NIM1K: variants seen among roughly 807,000 people sequenced by gnomAD.
NIM1K encodes the protein serine/threonine-protein kinase NIM1.
In NIM1K, 35 loss-of-function variants were observed where a neutral mutation model predicts 37.1. The ratio of observed to expected loss-of-function variants is 0.94; its 90% CI spans 0.72 to 1.25. NIM1K has a LOEUF of 1.25. NIM1K is among the 50% of genes most tolerant of loss of function. NIM1K has a pLI of 0.00. For missense variants in NIM1K, 564 were observed against 548.0 expected (o/e 1.03, Z -0.29); for synonymous variants, 234 against 206.6 (o/e 1.13, Z -1.14).
At chr5:43,215,954 T>G (rs1395798587) in intron 1 of NIM1K, among the ~76,000 whole-genome samples, 3 of 152,174 alleles carry the variant, frequency 2.0e-5, no homozygotes, top group African/African-American at 7.2e-5. Context: ...CTACATAATT[T>G]ATGGTTTTCC....
chr5:43,253,185 T>C (rs965761965), intron 2 of NIM1K, among the ~76,000 whole-genome samples: 1 of 139,778 alleles, frequency 7.2e-6, no homozygotes, highest in Non-Finnish European at 1.5e-5. Flanking sequence ...TATAATGTAA[T>C]ATATAATATA....
chr5:43,212,167 A>G (rs1752213264), intron 1 of NIM1K, among the ~76,000 whole-genome samples: 1 of 152,102 alleles, frequency 6.6e-6, no homozygotes, highest in Non-Finnish European at 1.5e-5. Context: ...ATGGAAATGT[A>G]AAAGGATTGG....
Position 43,277,252 on chromosome 5 carries a change from G to T in NIM1K, c.488G>T (p.Ser163Ile), listed in dbSNP as rs1238025717. 3 of 1,614,090 alleles carry T rather than the reference G, an allele frequency of 1.9e-6. No individual in the cohort carries two copies. Among genetic ancestry groups the T allele is most frequent in the Non-Finnish European group, 2.5e-6 (3 of 1,180,014 alleles). The change falls in exon 3 of 4, where the codon AGC becomes ATC. Residue 163 changes from serine to isoleucine, a missense_variant. By Grantham distance (142) the Ser-to-Ile change is moderately radical. Coordinates refer to ENST00000326035, the MANE Select transcript of NIM1K (RefSeq NM_153361.4). ...AGGGELFGKI[S>I]TEGKLSEPES... The stretch of plus-strand genomic sequence containing the variant: ...GGTGGGGAGCTCTTCGGAAAAATTA[G>T]CACTGAGGGGAAGCTCTCTGAACCA...
At chr5:43,210,171 G>A (rs980696108) in intron 1 of NIM1K, among the ~76,000 whole-genome samples, 1 of 151,848 alleles carries the variant, frequency 6.6e-6, no homozygotes, top group African/African-American at 2.4e-5. Context: ...GGGAGGGGAA[G>A]GGAGGAGAGA....
intron 1 of NIM1K, among the ~76,000 whole-genome samples, chr5:43,196,472 C>CAAA (rs35053237): frequency 7.1e-6 from 1 of 141,646 alleles, no homozygotes; most frequent in Non-Finnish European, 1.5e-5. Flanking sequence ...ACTAAATATA[C>CAAA]AAAAAAAAAA....
At chr5:43,273,219 T>A (rs1417006866) in intron 2 of NIM1K, among the ~76,000 whole-genome samples, 2 of 151,876 alleles carry the variant, frequency 1.3e-5, no homozygotes, top group African/African-American at 2.4e-5. Context: ...TTTTCTTTTT[T>A]TTGAGGTGGA....
Position 43,199,921 on chromosome 5 carries a change from G to A in NIM1K, c.-695+7510G>A, listed in dbSNP as rs185799221. Among the ~76,000 whole-genome samples the A allele has an allele frequency of 1.0e-3, 158 of 152,306 alleles. 3 individuals carry two copies. Among genetic ancestry groups the A allele is most frequent in the Non-Finnish European group, 1.5e-3 (102 of 68,024 alleles). On this transcript the variant is annotated intron_variant, in intron 1 of 3. Coordinates refer to ENST00000326035, the MANE Select transcript of NIM1K (RefSeq NM_153361.4). ...GAGACAGAGTTTTGTTCTTGCCCAG[G>A]CTGGAGTGCAATGGTGTGATCTCGG...
chr5:43,211,709 G>T (rs1313084503), intron 1 of NIM1K, among the ~76,000 whole-genome samples: 1 of 152,166 alleles, frequency 6.6e-6, no homozygotes, highest in Non-Finnish European at 1.5e-5. Flanking sequence ...TAGATCTTGA[G>T]GAGCTTTCTA....
intron 2 of NIM1K, among the ~76,000 whole-genome samples, chr5:43,261,043 C>T (rs1016577393): frequency 9.2e-5 from 14 of 152,308 alleles, no homozygotes; most frequent in African/African-American, 3.1e-4. Flanking sequence ...CAAGTCTTTG[C>T]TATTGTGAAT....
At chr5:43,270,265 G>T (rs35350677) in intron 2 of NIM1K, among the ~76,000 whole-genome samples, 1 of 152,096 alleles carries the variant, frequency 6.6e-6, no homozygotes, top group African/African-American at 2.4e-5. Context: ...ACAATCCAGT[G>T]GGAAGAGAAA....
chr5:43,209,751 T>G (rs1752177002), intron 1 of NIM1K, among the ~76,000 whole-genome samples: 1 of 152,000 alleles, frequency 6.6e-6, no homozygotes, highest in African/African-American at 2.4e-5. Flanking sequence ...CCAGAGTAGC[T>G]GGGATTATAG....
chr5:43,280,599 T>G lies in NIM1K; in HGVS notation c.1181T>G (p.Val394Gly). 6.2e-7 allele frequency: 1 copy of G among 1,613,620 alleles called. No homozygotes were observed. The highest frequency in any genetic ancestry group is 8.5e-7 in the Non-Finnish European group (1 of 1,179,928). ...TGVYRIILHR[V>G]QRKKALESVP... ...GTCTATAGAATTATTTTACATAGAG[T>G]CCAAAGGAAGAAGGCTTTGGAAAGT... Residue 394 changes from valine to glycine, a missense_variant, in exon 4 of 4, where the codon GTC (valine) becomes GGC (glycine). Transcript: ENST00000326035.
chr5:43,223,536 G>T (rs1752410536), intron 1 of NIM1K, among the ~76,000 whole-genome samples: 1 of 152,114 alleles, frequency 6.6e-6, no homozygotes, highest in Non-Finnish European at 1.5e-5. Flanking sequence ...TTACTACCTA[G>T]ACATTTTCAT....
At chr5:43,237,359 T>TAAG (rs901712122) in intron 1 of NIM1K, among the ~76,000 whole-genome samples, 6 of 152,216 alleles carry the variant, frequency 3.9e-5, no homozygotes, top group African/African-American at 1.4e-4. Context: ...AGCTAATAAT[T>TAAG]AAGGACCATT....
chr5:43,252,071 C>T (rs1334523053), intron 2 of NIM1K, among the ~76,000 whole-genome samples: 3 of 151,680 alleles, frequency 2.0e-5, no homozygotes, highest in Non-Finnish European at 4.4e-5. Flanking sequence ...TTCTACAAGC[C>T]GGGAGCAAGA....
In NIM1K at chr5:43,272,385, C is replaced by T. The variant is rs574413579; in HGVS notation, c.293-4672C>T. 2.6e-5 allele frequency among the ~76,000 whole-genome samples: 4 copies of T among 152,192 alleles called. No homozygotes were observed. The South Asian group carries it at 8.3e-4, about 32-fold the overall frequency. On this transcript the variant is annotated intron_variant, in intron 2 of 3. Coordinates refer to ENST00000326035, the MANE Select transcript of NIM1K (RefSeq NM_153361.4). Reference sequence around the variant, plus strand: ...GCTCCTGGCACTTTTCCCCCTAAGCCCACTGTACCTGATATTTTCTATCTG... The same window carrying T: ...GCTCCTGGCACTTTTCCCCCTAAGCTCACTGTACCTGATATTTTCTATCTG...
At chr5:43,213,923 C>G (rs1030140085) in intron 1 of NIM1K, among the ~76,000 whole-genome samples, 1 of 119,694 alleles carries the variant, frequency 8.4e-6, no homozygotes, top group Admixed American at 9.8e-5. Context: ...GCCACCATGC[C>G]TAGCTCTTTC....
intron 2 of NIM1K, among the ~76,000 whole-genome samples, chr5:43,273,657 GC>G (rs1247002077): frequency 6.6e-6 from 1 of 152,134 alleles, no homozygotes; most frequent in Non-Finnish European, 1.5e-5. Flanking sequence ...CTGATCTGGG[GC>G]CACCCCTCCT....
intron 1 of NIM1K, among the ~76,000 whole-genome samples, chr5:43,229,622 TC>T (rs1335074999): frequency 1.5e-4 from 20 of 137,826 alleles, no homozygotes; most frequent in African/African-American, 5.4e-4. Flanking sequence ...ATCTTTTTTT[TC>T]TTTTTTAAAT....
Sources: allele counts gnomAD v4.1 joint callset (sites outside exome capture counted in the v4.1 genomes callset), GRCh38; gene constraint gnomAD v4.1.1; transcripts MANE v1.5; gene names NCBI Gene and HGNC (gene_info 2026-07-23, HGNC 2026-07-21).